SPC24: variants seen among roughly 807,000 people sequenced by gnomAD.
SPC24 encodes the protein kinetochore protein Spc24.
In SPC24, 31 loss-of-function variants were observed where a neutral mutation model predicts 27.6. The observed-to-expected ratio is 1.12, with a 90% CI of 0.84 to 1.52. The LOEUF (loss-of-function observed/expected upper bound fraction) is 1.52, where lower values mean the gene tolerates loss of function less well. SPC24 is among the 40% of genes most tolerant of loss of function. SPC24 has a pLI of 0.00. For missense variants in SPC24, 284 were observed against 252.5 expected, an observed-to-expected ratio of 1.12 and a Z score of -0.84; for synonymous variants, 105 against 105.8, an observed-to-expected ratio of 0.99 and a Z score of 0.05.
intron 4 of SPC24, 88 bp downstream of exon 4, chr19:11,147,730 G>A (rs939309197): frequency 6.6e-5 from 80 of 1,217,398 alleles, no homozygotes; most frequent in African/African-American, 4.8e-4. Context: ...CACCACACCC[G>A]GCTAATTTTT....
chr19:11,155,337 C>A (rs1246756852), intron 1 of SPC24, among the ~76,000 whole-genome samples: 1 of 152,142 alleles, frequency 6.6e-6, no homozygotes, highest in African/African-American at 2.4e-5. Flanking sequence ...CAGTTCAAAC[C>A]CTGAGACCCC....
intron 1 of SPC24, 111 bp from the exon 2 acceptor site, chr19:11,149,349 G>T: frequency 9.7e-7 from 1 of 1,031,042 alleles, no homozygotes; most frequent in Non-Finnish European, 1.3e-6. Context: ...CTTGTCTGCA[G>T]CCCTGTGTCC....
intron 1 of SPC24, among the ~76,000 whole-genome samples, chr19:11,154,249 G>A (rs942910722): frequency 1.1e-4 from 16 of 151,612 alleles, no homozygotes; most frequent in South Asian, 4.2e-4. Flanking sequence ...TAAAATGGAC[G>A]GAAATTCTGG....
In SPC24 at chr19:11,147,617, A is replaced by G. The variant is rs550137427; in HGVS notation, c.487+201T>C. 20 of 597,190 alleles carry G rather than the reference A, an allele frequency of 3.3e-5. No individual in the cohort carries two copies. In the East Asian group the frequency reaches 5.6e-4, roughly 17 times the overall value. 37.0% of individuals were successfully genotyped at this position (597,190 alleles called of 1,614,324 possible). On this transcript the variant is annotated intron_variant, in intron 4 of 4. Coordinates refer to ENST00000592540, the MANE Select transcript of SPC24 (RefSeq NM_182513.4). Reference sequence around the variant, plus strand: ...CCTGCTATACTTTACTATATTTATTATAGACGTGGGGTCTCACTGATACCC... The same window carrying G: ...CCTGCTATACTTTACTATATTTATTGTAGACGTGGGGTCTCACTGATACCC...
At chr19:11,154,300 G>A (rs1039967615) in intron 1 of SPC24, among the ~76,000 whole-genome samples, 3 of 152,172 alleles carry the variant, frequency 2.0e-5, no homozygotes, top group Non-Finnish European at 4.4e-5. Flanking sequence ...AGCACTTTGG[G>A]AGGCCGAGGT....
chr19:11,154,222 G>T (rs1344840555), intron 1 of SPC24, among the ~76,000 whole-genome samples: 1 of 152,088 alleles, frequency 6.6e-6, no homozygotes, highest in East Asian at 1.9e-4. Flanking sequence ...TCTATATCAT[G>T]AAATATGACT....
Position 11,146,305 on chromosome 19 carries a change from A to G in SPC24, c.*878T>C, listed in dbSNP as rs2077822476. On this transcript the variant is annotated 3_prime_UTR_variant, in exon 5 of 5. Transcript: ENST00000592540. ...CTGAATGAGTAAGGGCCAACCTTGA[A>G]GTACCTGGGAGCTGTCATCGAATAC... 1 of 151,372 alleles carries G rather than the reference A, an allele frequency of 6.6e-6. No individual in the cohort carries two copies. Among genetic ancestry groups the G allele is most frequent in the African/African-American group, 2.4e-5 (1 of 41,182 alleles). 9.4% of individuals were successfully genotyped at this position (151,372 alleles called of 1,614,324 possible). A position where few individuals can be genotyped will look rare whatever the true frequency, so the allele number is the denominator to read the frequency against.
At position 11,147,150 on chromosome 19, in the gene SPC24, G is replaced by T; in HGVS notation, c.*33C>A. On this transcript the variant is annotated 3_prime_UTR_variant, in exon 5 of 5. Coordinates refer to ENST00000592540, the MANE Select transcript of SPC24 (RefSeq NM_182513.4). ...ATGGATCTGACCACGGCAGATGCCC[G>T]CTGGGTGCAAGACGCAGCCACGAGG... 2 of 1,364,862 alleles carry T rather than the reference G, an allele frequency of 1.5e-6. No individual in the cohort carries two copies. The highest frequency in any genetic ancestry group is 2.0e-6 in the Non-Finnish European group (2 of 989,372). 84.5% of individuals were successfully genotyped at this position (1,364,862 alleles called of 1,614,324 possible).
At chr19:11,151,116 T>C (rs558405964) in intron 1 of SPC24, among the ~76,000 whole-genome samples, 1 of 118,530 alleles carries the variant, frequency 8.4e-6, no homozygotes, top group East Asian at 2.6e-4. Context: ...TGAGCCAAGA[T>C]CACGCCACTG....
In SPC24 at chr19:11,145,791, GA is replaced by G. The variant is rs1243303286; in HGVS notation, c.*1391del. ...TATTTGTCTTTTAAGAATCCTTCTA[GA>G]AGTGTCATGTAACATTTCCACATAC... On this transcript the variant is annotated 3_prime_UTR_variant, in exon 5 of 5. Coordinates refer to ENST00000592540, the MANE Select transcript of SPC24 (RefSeq NM_182513.4). The G allele has an allele frequency of 2.0e-5, 3 of 152,198 alleles. No homozygotes were observed. The highest frequency in any genetic ancestry group is 3.2e-3 in the Middle Eastern group (1 of 316). The allele number at this position is 152,198 out of a possible 1,614,324, so 9.4% of individuals were successfully genotyped here.
At chr19:11,147,353 G>A in intron 4 of SPC24, 64 bp from the exon 5 acceptor site, 1 of 1,156,082 alleles carries the variant, frequency 8.6e-7, no homozygotes, top group Admixed American at 2.5e-5. Flanking sequence ...ACGGGGAAAA[G>A]GATACTGCCT....
intron 1 of SPC24, among the ~76,000 whole-genome samples, chr19:11,151,785 T>C (rs1485467557): frequency 6.6e-6 from 1 of 151,548 alleles, no homozygotes; most frequent in African/African-American, 2.4e-5. Flanking sequence ...AATTTTTATA[T>C]TTTTACCGGA....
At position 11,146,692 on chromosome 19, in the gene SPC24, G is replaced by A. The variant is rs1568629610; in HGVS notation, c.*491C>T. ...AGGCAGGAGAATGGCGTGAACCCGGGAGGAGGCGGAGCTTGCAGTGAGCTG... is the reference window on the plus strand; with the variant it reads ...AGGCAGGAGAATGGCGTGAACCCGGAAGGAGGCGGAGCTTGCAGTGAGCTG... On this transcript the variant is annotated 3_prime_UTR_variant, in exon 5 of 5. Transcript: ENST00000592540. 2 of 150,872 alleles carry A rather than the reference G, an allele frequency of 1.3e-5. No individual in the cohort carries two copies. The highest frequency in any genetic ancestry group is 2.1e-4 in the South Asian group (1 of 4,756). 9.3% of individuals were successfully genotyped at this position (150,872 alleles called of 1,614,324 possible).
At chr19:11,154,024 A>G (rs891403618) in intron 1 of SPC24, among the ~76,000 whole-genome samples, 3 of 151,972 alleles carry the variant, frequency 2.0e-5, no homozygotes, top group African/African-American at 4.8e-5. Flanking sequence ...CAGTGAGCCA[A>G]GATTGCGCCA....
At chr19:11,155,120 A>C (rs1945353932) in intron 1 of SPC24, among the ~76,000 whole-genome samples, 1 of 152,114 alleles carries the variant, frequency 6.6e-6, no homozygotes, top group South Asian at 2.1e-4. Context: ...CGGGAGGTGG[A>C]GGTTGCGGTG....
rs1600784932 is a variant in SPC24, at chr19:11,147,074, C to G, written c.*109G>C. ...CAGACTGGACAACAAGAGTGAAACTCTGTCTCAAAAAAAAAAAAAAAAAGA... is the reference window on the plus strand; with the variant it reads ...CAGACTGGACAACAAGAGTGAAACTGTGTCTCAAAAAAAAAAAAAAAAAGA... On this transcript the variant is annotated 3_prime_UTR_variant, in exon 5 of 5. Coordinates refer to ENST00000592540, the MANE Select transcript of SPC24 (RefSeq NM_182513.4). 1.9e-4 allele frequency: 117 copies of G among 606,020 alleles called. 1 individual carries two copies. The East Asian group carries it at 3.7e-3, about 19-fold the overall frequency. 37.5% of individuals were successfully genotyped at this position (606,020 alleles called of 1,614,324 possible). A position where few individuals can be genotyped will look rare whatever the true frequency, so the allele number is the denominator to read the frequency against.
intron 1 of SPC24, among the ~76,000 whole-genome samples, chr19:11,151,413 G>A (rs909462716): frequency 1.3e-5 from 2 of 152,044 alleles, no homozygotes; most frequent in Non-Finnish European, 2.9e-5. Context: ...GGTCTGGTTC[G>A]GATGGGGCCT....
chr19:11,155,759 G>T lies in SPC24; in HGVS notation c.18C>A (p.Asp6Glu). 6.5e-7 allele frequency: 1 copy of T among 1,549,048 alleles called. No individual in the cohort carries two copies. Among genetic ancestry groups the T allele is most frequent in the Non-Finnish European group, 8.7e-7 (1 of 1,153,812 alleles). The change falls in exon 1 of 5, where the codon GAC becomes GAA. Residue 6 changes from aspartate to glutamate, a missense_variant. Transcript: ENST00000592540. ...GCAGCCCCTGGCTCACCTCCTCTAT[G>T]TCGCGGAAGGCGGCCATGACTACGC... MAAFRDIEEVSQGLLS... is the reference protein window; with the variant it reads MAAFREIEEVSQGLLS...
Position 11,150,417 on chromosome 19 carries a change from C to G in SPC24, c.161-1179G>C, listed in dbSNP as rs1233059901. Among the ~76,000 whole-genome samples the G allele has an allele frequency of 3.3e-5, 5 of 149,938 alleles. No homozygotes were observed. The South Asian group carries it at 6.3e-4, about 19-fold the overall frequency. On this transcript the variant is annotated intron_variant, in intron 1 of 4. Transcript: ENST00000592540. ...GGGACAATCACTTGAACCTGGGAGGCGGAGGTTGCGGTGAGCCGACATCGC... is the reference window on the plus strand; with the variant it reads ...GGGACAATCACTTGAACCTGGGAGGGGGAGGTTGCGGTGAGCCGACATCGC...
Sources: allele counts gnomAD v4.1 joint callset (sites outside exome capture counted in the v4.1 genomes callset), GRCh38; gene constraint gnomAD v4.1.1; transcripts MANE v1.5; gene names NCBI Gene and HGNC (gene_info 2026-07-23, HGNC 2026-07-21).